FHOD3: variants seen among roughly 807,000 people sequenced by gnomAD.
The protein encoded by FHOD3 is FH1/FH2 domain-containing protein 3.
Under a neutral mutation model 173.0 loss-of-function variants are expected in FHOD3, and 90 were observed. That is an observed-to-expected ratio of 0.52 (90% CI 0.44 to 0.62). The LOEUF is 0.62. FHOD3 is among the 20% of genes least tolerant of loss of function. The probability of loss-of-function intolerance (pLI) is 0.00; values close to 1 mark genes in which losing one functional copy is unlikely to be tolerated. For missense variants in FHOD3, 1,945 were observed against 2,034.7 expected (o/e 0.96, Z 0.85); for synonymous variants, 828 against 823.0 (o/e 1.01, Z -0.10).
At chr18:36,594,937 G>A (rs768727729) in intron 7 of FHOD3, 39 bp downstream of exon 7, 12 of 1,350,242 alleles carry the variant, frequency 8.9e-6, no homozygotes, top group Non-Finnish European at 1.3e-5. Context: ...GAAGGTGAAG[G>A]TGTCTAATGT....
intron 23 of FHOD3, among the ~76,000 whole-genome samples, chr18:36,744,590 G>T (rs545289710): frequency 6.6e-6 from 1 of 152,352 alleles, no homozygotes; most frequent in South Asian, 2.1e-4. Context: ...ACCTTGCAGT[G>T]AGGTGTGGAG....
chr18:36,674,952 A>C (rs1239070394), intron 14 of FHOD3, among the ~76,000 whole-genome samples: 1 of 152,184 alleles, frequency 6.6e-6, no homozygotes, highest in East Asian at 1.9e-4. Flanking sequence ...TTGAACTTGA[A>C]ATGTACTGTT....
At chr18:36,347,616 T>A (rs763163975) in intron 1 of FHOD3, among the ~76,000 whole-genome samples, 1 of 152,260 alleles carries the variant, frequency 6.6e-6, no homozygotes. Flanking sequence ...AACCCATATA[T>A]GCTGGATCAT....
In FHOD3 at chr18:36,717,943, C is replaced by T. The variant is rs774611476; in HGVS notation, c.2645C>T (p.Pro882Leu). The change falls in exon 19 of 29, where the codon CCG becomes CTG. Residue 882 changes from proline to leucine, a missense_variant. This residue lies in a region of FHOD3 where 1,099 missense variants were observed against 1,051.2 expected (regional missense o/e 1.05). Transcript: ENST00000590592. ...DMLYAHNRKS[P>L]DDEEKGDGEA... is the part of the protein sequence containing the mutation. ...CTGTATGCCCATAACAGGAAGTCTC[C>T]GGATGATGAGGAGAAGGGGGATGGG... 141 of 1,613,844 alleles carry T rather than the reference C, an allele frequency of 8.7e-5. No individual in the cohort carries two copies. Among genetic ancestry groups the T allele is most frequent in the South Asian group, 1.9e-4 (17 of 91,058 alleles).
At chr18:36,298,068 G>A in intron 1 of FHOD3, 68 bp downstream of exon 1, 1 of 1,355,558 alleles carries the variant, frequency 7.4e-7, no homozygotes, top group Non-Finnish European at 9.6e-7. Flanking sequence ...GCCGGGGTGG[G>A]TCCCGGGGCT....
chr18:36,372,863 A>T, intron 3 of FHOD3, 119 bp downstream of exon 3: 1 of 787,470 alleles, frequency 1.3e-6, no homozygotes, highest in East Asian at 2.7e-5. Context: ...GAGTTCTTAG[A>T]GTTTTAGTGA....
intron 5 of FHOD3, among the ~76,000 whole-genome samples, chr18:36,532,614 AC>A (rs1272632951): frequency 6.6e-6 from 1 of 152,082 alleles, no homozygotes; most frequent in African/African-American, 2.4e-5. Context: ...TCTTCCAAGA[AC>A]CCTCATGAGT....
At chr18:36,340,461 A>G (rs2045553366) in intron 1 of FHOD3, among the ~76,000 whole-genome samples, 1 of 152,142 alleles carries the variant, frequency 6.6e-6, no homozygotes, top group South Asian at 2.1e-4. Context: ...AGCTGGTAAC[A>G]CTAGGCCTAA....
chr18:36,603,356 G>T (rs776038192), intron 8 of FHOD3, among the ~76,000 whole-genome samples: 2 of 152,080 alleles, frequency 1.3e-5, no homozygotes, highest in Non-Finnish European at 2.9e-5. Flanking sequence ...GAGTGGATGC[G>T]TGCAGGTGTG....
chr18:36,684,108 A>G (rs1348106851), intron 15 of FHOD3, among the ~76,000 whole-genome samples: 2 of 152,218 alleles, frequency 1.3e-5, no homozygotes, highest in African/African-American at 2.4e-5. Context: ...CTAAGTACAG[A>G]GTGGGAGTGG....
chr18:36,596,680 G>A (rs1244183975), intron 7 of FHOD3, among the ~76,000 whole-genome samples: 1 of 152,146 alleles, frequency 6.6e-6, no homozygotes, highest in Non-Finnish European at 1.5e-5. Flanking sequence ...AGGCAAGGAG[G>A]CAACTCGAGG....
chr18:36,520,101 G>A (rs558285381), intron 5 of FHOD3, among the ~76,000 whole-genome samples: 1 of 152,016 alleles, frequency 6.6e-6, no homozygotes, highest in African/African-American at 2.4e-5. Context: ...GGAACCATAG[G>A]CATGTACCAC....
intron 3 of FHOD3, among the ~76,000 whole-genome samples, chr18:36,477,024 C>A (rs183060158): frequency 6.6e-6 from 1 of 152,250 alleles, no homozygotes; most frequent in Admixed American, 6.5e-5. Context: ...TGCTGTGAGA[C>A]CTGCAAGAGG....
chr18:36,574,251 C>A (rs2058564537), intron 5 of FHOD3, among the ~76,000 whole-genome samples: 2 of 152,158 alleles, frequency 1.3e-5, no homozygotes, highest in Admixed American at 1.3e-4. Context: ...AGTTATTTAA[C>A]CTCTCTAGTG....
intron 28 of FHOD3, among the ~76,000 whole-genome samples, chr18:36,774,330 A>C (rs1431285490): frequency 6.6e-6 from 1 of 152,206 alleles, no homozygotes; most frequent in East Asian, 1.9e-4. Context: ...GAAAGCGCCT[A>C]ATGCCATGAG....
At chr18:36,319,162 A>T (rs773271779) in intron 1 of FHOD3, among the ~76,000 whole-genome samples, 3 of 152,188 alleles carry the variant, frequency 2.0e-5, no homozygotes, top group Non-Finnish European at 4.4e-5. Flanking sequence ...GATGTTCATC[A>T]GTGATATTGG....
At chr18:36,763,527 AAT>A (rs1054015332) in intron 27 of FHOD3, among the ~76,000 whole-genome samples, 3 of 137,774 alleles carry the variant, frequency 2.2e-5, no homozygotes, top group Admixed American at 1.5e-4. Context: ...CGTTATATAT[AAT>A]ATGTGTATTA....
intron 2 of FHOD3, among the ~76,000 whole-genome samples, chr18:36,367,729 T>C (rs549460895): frequency 6.6e-6 from 1 of 152,178 alleles, no homozygotes; most frequent in Non-Finnish European, 1.5e-5. Context: ...CTATCTGATA[T>C]GGATTGGCTC....
intron 1 of FHOD3, among the ~76,000 whole-genome samples, chr18:36,331,593 T>A (rs2045013259): frequency 6.6e-6 from 1 of 152,094 alleles, no homozygotes; most frequent in South Asian, 2.1e-4. Context: ...CAAAGAAAAG[T>A]CTATAGTCCC....
Sources: allele counts gnomAD v4.1 joint callset (sites outside exome capture counted in the v4.1 genomes callset), GRCh38; gene constraint gnomAD v4.1.1; regional missense constraint gnomAD v4.1.1; transcripts MANE v1.5; gene names NCBI Gene and HGNC (gene_info 2026-07-23, HGNC 2026-07-21).